The following ZHX2 variants were observed in gnomAD, a reference collection of about 807,000 sequenced individuals.
ZHX2 encodes zinc fingers and homeoboxes protein 2.
Under a neutral mutation model 21.9 loss-of-function variants are expected in ZHX2, and 6 were observed. The ratio of observed to expected loss-of-function variants is 0.27; its 90% CI spans 0.15 to 0.54. The LOEUF (loss-of-function observed/expected upper bound fraction) is 0.54. ZHX2 is among the 20% of genes least tolerant of loss of function. The pLI is 0.95. For missense variants in ZHX2, 908 were observed against 1,090.7 expected (o/e 0.83, Z 2.36); for synonymous variants, 434 against 437.1 (o/e 0.99, Z 0.09).
chr8:122,913,956 C>G (rs1350263481), intron 2 of ZHX2, among the ~76,000 whole-genome samples: 1 of 152,176 alleles, frequency 6.6e-6, no homozygotes, highest in Non-Finnish European at 1.5e-5. Context: ...TGGGGCAAGC[C>G]TTTTCTGATC....
At position 122,811,765 on chromosome 8, in the gene ZHX2, G is replaced by A. The variant is rs74937956; in HGVS notation, c.-283+29819G>A. 4.8e-3 allele frequency among the ~76,000 whole-genome samples: 736 copies of A among 152,282 alleles called. 5 individuals carry two copies. The highest frequency in any genetic ancestry group is 0.017 in the African/African-American group (713 of 41,562). ...AGCGTTTACGTAAAGACCCTTTCTC[G>A]TGGAAGGAAAATGTGTGAGAGGTAA... On this transcript the variant is annotated intron_variant, in intron 1 of 3. Transcript: ENST00000314393.
At chr8:122,881,664 T>C (rs1819716305) in intron 2 of ZHX2, among the ~76,000 whole-genome samples, 1 of 152,134 alleles carries the variant, frequency 6.6e-6, no homozygotes, top group Non-Finnish European at 1.5e-5. Flanking sequence ...CATCTCATGA[T>C]GACAACATTT....
chr8:122,841,680 G>A (rs1221438019), intron 1 of ZHX2, among the ~76,000 whole-genome samples: 2 of 152,192 alleles, frequency 1.3e-5, no homozygotes, highest in South Asian at 2.1e-4. Flanking sequence ...TAGAGAGAGT[G>A]GTTCTGGCTA....
At chr8:122,887,375 G>A (rs1005131749) in intron 2 of ZHX2, among the ~76,000 whole-genome samples, 3 of 151,744 alleles carry the variant, frequency 2.0e-5, no homozygotes, top group Admixed American at 1.3e-4. Flanking sequence ...AAAAGTAGCC[G>A]GGTGTGGTGG....
intron 2 of ZHX2, among the ~76,000 whole-genome samples, chr8:122,906,771 A>G (rs1820358914): frequency 1.3e-5 from 2 of 150,132 alleles, no homozygotes; most frequent in Admixed American, 6.7e-5. Flanking sequence ...CCAGGGTTTA[A>G]GTGATTCTAC....
At chr8:122,830,806 A>T (rs1055265902) in intron 1 of ZHX2, among the ~76,000 whole-genome samples, 4 of 152,208 alleles carry the variant, frequency 2.6e-5, no homozygotes, top group African/African-American at 9.6e-5. Flanking sequence ...TTGGCCATAC[A>T]TGATTTTAAA....
At chr8:122,832,472 A>G (rs1246907968) in intron 1 of ZHX2, among the ~76,000 whole-genome samples, 2 of 152,056 alleles carry the variant, frequency 1.3e-5, no homozygotes, top group African/African-American at 2.4e-5. Context: ...CACCAGTACA[A>G]CTCCACGCCG....
intron 1 of ZHX2, among the ~76,000 whole-genome samples, chr8:122,862,581 C>T (rs554959175): frequency 6.6e-6 from 1 of 152,290 alleles, no homozygotes; most frequent in East Asian, 1.9e-4. Context: ...TACCCCAGGT[C>T]AGGTGTGCGA....
chr8:122,878,137 T>C (rs1052954403), intron 2 of ZHX2, among the ~76,000 whole-genome samples: 1 of 152,012 alleles, frequency 6.6e-6, no homozygotes, highest in South Asian at 2.1e-4. Context: ...AAAGCAAAGA[T>C]AGAGGCAAAG....
At chr8:122,932,231 A>G (rs1316255321) in intron 2 of ZHX2, among the ~76,000 whole-genome samples, 1 of 152,232 alleles carries the variant, frequency 6.6e-6, no homozygotes, top group East Asian at 1.9e-4. Flanking sequence ...AACCAAGCTC[A>G]GCTTGCCCAC....
At chr8:122,909,130 G>A (rs180981068) in intron 2 of ZHX2, among the ~76,000 whole-genome samples, 167 of 152,256 alleles carry the variant, frequency 1.1e-3, no homozygotes, top group Middle Eastern at 6.8e-3. Flanking sequence ...AGAAGAGTTA[G>A]CTTTGGTTTT....
At chr8:122,787,016 G>A (rs1169487284) in intron 1 of ZHX2, among the ~76,000 whole-genome samples, 1 of 141,842 alleles carries the variant, frequency 7.1e-6, no homozygotes, top group Non-Finnish European at 1.5e-5. Flanking sequence ...GTGATTTTAA[G>A]AACATCCACC....
At chr8:122,932,626 A>G (rs1213641998) in intron 2 of ZHX2, among the ~76,000 whole-genome samples, 1 of 152,218 alleles carries the variant, frequency 6.6e-6, no homozygotes, top group Non-Finnish European at 1.5e-5. Flanking sequence ...GTGAAACTCC[A>G]TCTCAAAAAG....
At chr8:122,817,187 A>C (rs956658451) in intron 1 of ZHX2, among the ~76,000 whole-genome samples, 2 of 152,232 alleles carry the variant, frequency 1.3e-5, no homozygotes, top group African/African-American at 4.8e-5. Context: ...AGGAACACGG[A>C]TCCTGGGGAG....
intron 2 of ZHX2, among the ~76,000 whole-genome samples, chr8:122,886,465 A>G (rs1819844843): frequency 1.3e-5 from 2 of 152,198 alleles, no homozygotes; most frequent in East Asian, 1.9e-4. Flanking sequence ...CATGTAAACC[A>G]TGGACTTAAG....
At chr8:122,788,272 A>G (rs1242768852) in intron 1 of ZHX2, among the ~76,000 whole-genome samples, 1 of 152,232 alleles carries the variant, frequency 6.6e-6, no homozygotes, top group East Asian at 1.9e-4. Flanking sequence ...AAGGTAGGAA[A>G]AATGGGCTAG....
chr8:122,885,966 T>C (rs1002478904), intron 2 of ZHX2, among the ~76,000 whole-genome samples: 2 of 152,030 alleles, frequency 1.3e-5, no homozygotes, highest in Non-Finnish European at 2.9e-5. Flanking sequence ...TGAGTACACA[T>C]ATATATGGGT....
intron 2 of ZHX2, among the ~76,000 whole-genome samples, chr8:122,911,098 C>T (rs967099328): frequency 2.6e-5 from 4 of 152,130 alleles, no homozygotes; most frequent in African/African-American, 9.7e-5. Context: ...GTTTGTACAT[C>T]GGTCTACACA....
At chr8:122,790,732 C>T (rs562079609) in intron 1 of ZHX2, among the ~76,000 whole-genome samples, 52 of 152,074 alleles carry the variant, frequency 3.4e-4, no homozygotes, top group Non-Finnish European at 6.6e-4. Flanking sequence ...CTCAGTCTCC[C>T]GAGTAGCTGG....
Sources: gnomAD v4.1 joint callset for allele counts (sites outside exome capture counted in the v4.1 genomes callset) on GRCh38, gnomAD v4.1.1 for gene constraint, MANE v1.5 for transcripts, NCBI Gene and HGNC (gene_info 2026-07-23, HGNC 2026-07-21) for gene names.